Variants in PDE6A observed in about 807,000 individuals in gnomAD.
PDE6A encodes the protein rod cGMP-specific 3',5'-cyclic phosphodiesterase subunit alpha.
In PDE6A, 84 loss-of-function variants were observed where a neutral mutation model predicts 106.3. The ratio of observed to expected loss-of-function variants is 0.79; its 90% confidence interval spans 0.66 to 0.95. The LOEUF (loss-of-function observed/expected upper bound fraction) is 0.95. Ranked by LOEUF, PDE6A falls within the 40% of genes least tolerant of loss-of-function variation. PDE6A has a pLI of 0.00. For synonymous variants in PDE6A, 394 were observed against 386.6 expected (o/e 1.02, Z -0.23); for missense variants, 1,052 against 1,084.9 (o/e 0.97, Z 0.43).
At position 149,863,725 on chromosome 5, in the gene PDE6A, C is replaced by T. The variant is rs1443299966; in HGVS notation, c.2359-459G>A. On this transcript the variant is annotated intron_variant, in intron 20 of 21. Coordinates refer to ENST00000255266, the MANE Select transcript of PDE6A (RefSeq NM_000440.3). This position sits in a 1 kb window ranked among gnomAD's most constrained non-coding sequence, Gnocchi z 4.7. ...TGCAGCCTCAAACTCCTGGGCTCAA[C>T]CCATCCTCCCACCTCAGCCTCCCAA... 6.6e-6 allele frequency among the ~76,000 whole-genome samples: 1 copy of T among 152,056 alleles called. No individual in the cohort carries two copies. Among genetic ancestry groups the T allele is most frequent in the Non-Finnish European group, 1.5e-5 (1 of 67,990 alleles).
intron 4 of PDE6A, among the ~76,000 whole-genome samples, 178 bp downstream of exon 4, chr5:149,930,850 G>A (rs1454235311): frequency 6.6e-6 from 1 of 152,066 alleles, no homozygotes; most frequent in Admixed American, 6.6e-5. Flanking sequence ...GCCCTAGATT[G>A]ACTTTTCCCC....
intron 1 of PDE6A, among the ~76,000 whole-genome samples, chr5:149,943,801 T>C (rs1754383446): frequency 6.7e-6 from 1 of 149,374 alleles, no homozygotes; most frequent in Non-Finnish European, 1.5e-5. Flanking sequence ...AGAAGTACTG[T>C]GGAAGTACTG....
intron 4 of PDE6A, among the ~76,000 whole-genome samples, chr5:149,930,678 A>AT (rs1379965865): frequency 6.6e-6 from 1 of 152,172 alleles, no homozygotes; most frequent in Non-Finnish European, 1.5e-5. Context: ...CTTTCAGTAC[A>AT]TTTTTTGAGA....
chr5:149,940,339 G>C (rs11948274), intron 1 of PDE6A, among the ~76,000 whole-genome samples: 26,354 of 152,026 alleles, frequency 0.17, 2,433 homozygotes, highest in South Asian at 0.28. Flanking sequence ...TGAGTCCTCC[G>C]GAAAGTCTCC....
intron 1 of PDE6A, among the ~76,000 whole-genome samples, chr5:149,935,244 A>G (rs1360027919): frequency 6.8e-6 from 1 of 146,312 alleles, no homozygotes; most frequent in African/African-American, 2.5e-5. Flanking sequence ...ATGTGTGTAG[A>G]TTGTGTAGAC....
At position 149,944,326 on chromosome 5, in the gene PDE6A, G is replaced by T. The variant is rs1473160787; in HGVS notation, c.348C>A (p.His116Gln). 2.5e-6 allele frequency: 4 copies of T among 1,614,160 alleles called. No individual in the cohort carries two copies. Among genetic ancestry groups the T allele is most frequent in the South Asian group, 2.2e-5 (2 of 91,084 alleles). The change falls in exon 1 of 22, where the codon CAC (histidine) becomes CAA (glutamine). Residue 116 changes from histidine (H) to glutamine (Q), a missense_variant. By Grantham distance (24) the His-to-Gln change is conservative (BLOSUM62 0). Around this residue, in one of 3 missense-constraint regions of PDE6A, gnomAD observed 913 missense variants for 915.2 expected, o/e 1.00. Coordinates refer to ENST00000255266, the MANE Select transcript of PDE6A (RefSeq NM_000440.3). ...GGCAGTCCTCGAGGACAGCATCCTT[G>T]TGGACATTGAAAAGCCTGGTGGCCA... ...AELATRLFNVHKDAVLEDCLV... is the reference protein window; with the variant it reads ...AELATRLFNVQKDAVLEDCLV...
chr5:149,875,697 C>T (rs1441221103), intron 17 of PDE6A, among the ~76,000 whole-genome samples: 1 of 152,126 alleles, frequency 6.6e-6, no homozygotes, highest in Admixed American at 6.5e-5. Flanking sequence ...CTATGTTGCC[C>T]AGGCTGGCCT....
At chr5:149,910,132 G>C (rs1159819078) in intron 6 of PDE6A, among the ~76,000 whole-genome samples, 4 of 152,066 alleles carry the variant, frequency 2.6e-5, no homozygotes, top group African/African-American at 9.7e-5. Flanking sequence ...GTAATATTGA[G>C]GTAGATTGAC....
chr5:149,865,599 C>T (rs575291783), intron 20 of PDE6A, among the ~76,000 whole-genome samples: 2 of 152,322 alleles, frequency 1.3e-5, no homozygotes, highest in East Asian at 3.9e-4. Context: ...GGCTGCAGCT[C>T]ACACAGCATA....
At chr5:149,922,754 C>T (rs1277419720) in intron 4 of PDE6A, among the ~76,000 whole-genome samples, 1 of 152,108 alleles carries the variant, frequency 6.6e-6, no homozygotes, top group African/African-American at 2.4e-5. Context: ...AAAATGATAT[C>T]AAATATGGAC....
chr5:149,891,818 A>G (rs1016982631), intron 13 of PDE6A, among the ~76,000 whole-genome samples: 2 of 152,114 alleles, frequency 1.3e-5, no homozygotes, highest in African/African-American at 4.8e-5. Flanking sequence ...AAAAAGGAAA[A>G]AAAAAGTTTG....
At chr5:149,887,968 C>CTG (rs113190336) in intron 13 of PDE6A, among the ~76,000 whole-genome samples, 20,876 of 150,318 alleles carry the variant, frequency 0.14, 1,481 homozygotes, top group South Asian at 0.2. Context: ...CGCCCTCTTT[C>CTG]TGTGTGTGTG....
At chr5:149,935,948 C>A (rs967419323) in intron 1 of PDE6A, among the ~76,000 whole-genome samples, 12 of 152,062 alleles carry the variant, frequency 7.9e-5, no homozygotes, top group African/African-American at 2.4e-4. Flanking sequence ...GTTCAGTAGT[C>A]CAAGACCAGC....
At chr5:149,891,267 CG>C (rs1752536111) in intron 13 of PDE6A, among the ~76,000 whole-genome samples, 2 of 152,064 alleles carry the variant, frequency 1.3e-5, no homozygotes, top group South Asian at 4.1e-4. Flanking sequence ...GTCAGGAGTT[CG>C]AGACCAGCCT....
intron 20 of PDE6A, among the ~76,000 whole-genome samples, chr5:149,864,505 G>A (rs1365816170): frequency 1.3e-5 from 2 of 152,162 alleles, no homozygotes; most frequent in African/African-American, 2.4e-5. Flanking sequence ...GCCTCCCAAA[G>A]TGCTGGGATT....
In PDE6A at chr5:149,899,467, C is replaced by T. The variant is rs61732059; in HGVS notation, c.1171G>A (p.Val391Met). 3.2e-3 allele frequency: 5,130 copies of T among 1,614,084 alleles called. 133 individuals are homozygous for T. In the African/African-American group the frequency reaches 0.057, roughly 18 times the overall value. Residue 391 changes from valine to methionine, a missense_variant, in exon 9 of 22, where the codon GTG becomes ATG. Coordinates refer to ENST00000255266, the MANE Select transcript of PDE6A (RefSeq NM_000440.3). ...MIKNVLSMPI[V>M]NKKEEIVGVA... ...CCAACAATTTCTTCCTTCTTGTTCA[C>T]AATCGGCATTGAAAGCACATTTTTA...
At chr5:149,902,003 C>T (rs1012721673) in intron 8 of PDE6A, among the ~76,000 whole-genome samples, 1 of 152,146 alleles carries the variant, frequency 6.6e-6, no homozygotes, top group South Asian at 2.1e-4. Flanking sequence ...TAAGACCCAA[C>T]CTTGACCAAA....
chr5:149,877,501 C>G (rs965547605), intron 17 of PDE6A, among the ~76,000 whole-genome samples: 1 of 152,118 alleles, frequency 6.6e-6, no homozygotes, highest in African/African-American at 2.4e-5. Flanking sequence ...CCTCTGCCTC[C>G]CAGGTTCAAG....
Position 149,930,968 on chromosome 5 carries a change from C to T in PDE6A, c.858+60G>A, listed in dbSNP as rs888696140. 7.1e-6 allele frequency: 11 copies of T among 1,551,950 alleles called. No homozygotes were observed. The African/African-American group carries it at 9.5e-5, about 13-fold the overall frequency. On this transcript the variant is annotated intron_variant, in intron 4 of 21. Coordinates refer to ENST00000255266, the MANE Select transcript of PDE6A (RefSeq NM_000440.3). ...AATTGAATGTGTGCCAAGACTCTAG[C>T]CGTCAGTCAGTGTCTGTTTAATCTT...
Sources: gnomAD v4.1 joint callset for allele counts (sites outside exome capture counted in the v4.1 genomes callset) on GRCh38, gnomAD v4.1.1 for gene constraint, gnomAD v4.1.1 regional missense constraint, Gnocchi (gnomAD v3.1) non-coding constraint, MANE v1.5 for transcripts, NCBI Gene and HGNC (gene_info 2026-07-23, HGNC 2026-07-21) for gene names.